RBFOX1: variants seen among roughly 807,000 people sequenced by gnomAD.
The protein encoded by RBFOX1 is RNA binding protein fox-1 homolog 1.
In RBFOX1, 8 loss-of-function variants were observed where a neutral mutation model predicts 57.7. The ratio of observed to expected loss-of-function variants is 0.14; its 90% CI spans 0.08 to 0.25. The LOEUF is 0.25. Ranked by LOEUF, RBFOX1 falls within the 10% of genes least tolerant of loss-of-function variation. The pLI, the probability that RBFOX1 is intolerant of heterozygous loss-of-function variation, is 1.00. For missense variants in RBFOX1, 611 were observed against 548.5 expected, an observed-to-expected ratio of 1.11 and a Z score of -1.14; for synonymous variants, 326 against 222.4, an observed-to-expected ratio of 1.47 and a Z score of -4.15.
At chr16:5,696,213 C>G (rs1244842509) in intron 3 of RBFOX1, among the ~76,000 whole-genome samples, 1 of 152,066 alleles carries the variant, frequency 6.6e-6, no homozygotes, top group East Asian at 1.9e-4. Flanking sequence ...CCTCTGGGTA[C>G]CTTCTCCCAT....
At chr16:7,351,226 G>C (rs952366593) in intron 4 of RBFOX1, among the ~76,000 whole-genome samples, 10 of 152,214 alleles carry the variant, frequency 6.6e-5, no homozygotes, top group Non-Finnish European at 1.0e-4. Flanking sequence ...CTGTGATCTT[G>C]AACAGGTTCT....
intron 5 of RBFOX1, among the ~76,000 whole-genome samples, chr16:7,551,488 G>C (rs530666796): frequency 6.6e-6 from 1 of 152,324 alleles, no homozygotes; most frequent in African/African-American, 2.4e-5. Context: ...TGGAGAGACA[G>C]TAGTGATCCA....
intron 1 of RBFOX1, among the ~76,000 whole-genome samples, chr16:6,277,558 G>A (rs1234203765): frequency 3.3e-5 from 5 of 150,438 alleles, no homozygotes; most frequent in African/African-American, 1.2e-4. Flanking sequence ...GATCGCTTGA[G>A]CCCAGGAGTT....
chr16:7,466,304 T>C (rs2060507587), intron 4 of RBFOX1, among the ~76,000 whole-genome samples: 1 of 150,098 alleles, frequency 6.7e-6, no homozygotes, highest in Non-Finnish European at 1.5e-5. Flanking sequence ...ACCTATACTA[T>C]TTAATAGAGA....
At chr16:7,668,490 T>G (rs2070194351) in intron 13 of RBFOX1, among the ~76,000 whole-genome samples, 6 of 152,094 alleles carry the variant, frequency 3.9e-5, no homozygotes, top group Admixed American at 3.9e-4. Context: ...GACAAAGCCT[T>G]CAATCCTATT....
chr16:6,163,250 G>A (rs1456735687), intron 1 of RBFOX1, among the ~76,000 whole-genome samples: 4 of 152,188 alleles, frequency 2.6e-5, no homozygotes, highest in African/African-American at 2.4e-5. Context: ...CAAATAGAGT[G>A]TTTCATACGT....
chr16:5,303,366 C>G (rs1259853783), intron 1 of RBFOX1, among the ~76,000 whole-genome samples: 1 of 152,220 alleles, frequency 6.6e-6, no homozygotes, highest in Non-Finnish European at 1.5e-5. Context: ...CCTCCATCTG[C>G]AGTAAATGCT....
intron 3 of RBFOX1, among the ~76,000 whole-genome samples, chr16:6,841,579 G>T (rs560817110): frequency 4.1e-4 from 63 of 152,242 alleles, no homozygotes; most frequent in African/African-American, 1.5e-3. Flanking sequence ...CCTACGAGCT[G>T]TCCACCCACA....
In RBFOX1 at chr16:6,965,819, G is replaced by T. The variant is rs551505357; in HGVS notation, c.-15-86238G>T. Among the ~76,000 whole-genome samples, 7 of 152,266 alleles carry T rather than the reference G, an allele frequency of 4.6e-5. No individual in the cohort carries two copies. In the East Asian group the frequency reaches 1.4e-3, roughly 29 times the overall value. On this transcript the variant is annotated intron_variant, in intron 3 of 15. Transcript: ENST00000550418. ...TGTTCATTAGTCAGTCTTTTAATCT[G>T]TACTGAAATAGGTGCTGTCGCATCC...
chr16:5,592,956 G>A (rs1172630701), intron 2 of RBFOX1, among the ~76,000 whole-genome samples: 2 of 152,204 alleles, frequency 1.3e-5, no homozygotes, highest in Non-Finnish European at 2.9e-5. Context: ...TGGATAAAAT[G>A]AGACTGAGAC....
chr16:5,497,253 T>C (rs1042916441), intron 2 of RBFOX1, among the ~76,000 whole-genome samples: 2 of 151,952 alleles, frequency 1.3e-5, no homozygotes, highest in African/African-American at 4.8e-5. Context: ...TCCTTTGGGA[T>C]ATTTTTTTTT....
At chr16:5,920,015 G>A (rs1306084990) in intron 4 of RBFOX1, among the ~76,000 whole-genome samples, 1 of 152,084 alleles carries the variant, frequency 6.6e-6, no homozygotes, top group African/African-American at 2.4e-5. Context: ...CTCACTGCAA[G>A]CTCCGCCTCC....
chr16:6,278,498 A>C (rs147297609), intron 1 of RBFOX1, among the ~76,000 whole-genome samples: 247 of 148,556 alleles, frequency 1.7e-3, no homozygotes, highest in African/African-American at 5.6e-3. Context: ...ATTGCTCTTT[A>C]GTTTCAGAAT....
intron 3 of RBFOX1, among the ~76,000 whole-genome samples, chr16:5,718,776 G>A (rs751900121): frequency 2.0e-5 from 3 of 152,106 alleles, no homozygotes; most frequent in Non-Finnish European, 4.4e-5. Flanking sequence ...GGGCATAGTC[G>A]TGGGTACCTG....
At chr16:7,074,775 A>G (rs186946864) in intron 4 of RBFOX1, among the ~76,000 whole-genome samples, 41 of 152,358 alleles carry the variant, frequency 2.7e-4, no homozygotes, top group Non-Finnish European at 4.1e-4. Flanking sequence ...TGAAAACATT[A>G]TAAAGAAATG....
At chr16:6,925,925 A>C (rs988892568) in intron 3 of RBFOX1, among the ~76,000 whole-genome samples, 4 of 152,034 alleles carry the variant, frequency 2.6e-5, no homozygotes, top group African/African-American at 9.7e-5. Context: ...TTACTTTTGC[A>C]ATTAATTTAT....
chr16:7,694,065 T>C (rs189158560), intron 14 of RBFOX1, among the ~76,000 whole-genome samples: 28 of 152,328 alleles, frequency 1.8e-4, no homozygotes, highest in African/African-American at 6.5e-4. Flanking sequence ...ATTTGTACTT[T>C]GATTAGTATG....
At chr16:6,948,992 C>T (rs931072195) in intron 3 of RBFOX1, among the ~76,000 whole-genome samples, 2 of 151,974 alleles carry the variant, frequency 1.3e-5, no homozygotes, top group African/African-American at 4.8e-5. Flanking sequence ...GACAGTTTCT[C>T]AAAGGAAGGG....
downstream of RBFOX1, chr16:5,601,334 G>A (rs1021779997): frequency 6.6e-6 from 1 of 152,344 alleles, no homozygotes; most frequent in Non-Finnish European, 1.5e-5. Flanking sequence ...AGCTGCTTGA[G>A]TGTCCTCAGG....
Sources: allele counts gnomAD v4.1 joint callset (sites outside exome capture counted in the v4.1 genomes callset), GRCh38; gene constraint gnomAD v4.1.1; transcripts MANE v1.5; gene names NCBI Gene and HGNC (gene_info 2026-07-23, HGNC 2026-07-21).